The following XYLB variants were observed in gnomAD, a reference collection of about 807,000 sequenced individuals.
The protein encoded by XYLB is xylulose kinase.
In XYLB, 62 loss-of-function variants were observed where a neutral mutation model predicts 78.7. The observed-to-expected ratio is 0.79, with a 90% CI of 0.64 to 0.97. XYLB has a LOEUF of 0.97. Among genes scored for constraint, XYLB ranks in the 50% least tolerant of loss-of-function variants. The probability of loss-of-function intolerance (pLI) is 0.00; values close to 1 mark genes in which losing one functional copy is unlikely to be tolerated. For synonymous variants in XYLB, 245 were observed against 247.4 expected (o/e 0.99, Z 0.09); for missense variants, 687 against 676.8 (o/e 1.02, Z -0.17).
At chr3:38,383,334 A>G (rs939659116) in intron 15 of XYLB, among the ~76,000 whole-genome samples, 1 of 152,186 alleles carries the variant, frequency 6.6e-6, no homozygotes. Flanking sequence ...TTTTTAAGGA[A>G]CAATCGCCCT....
chr3:38,410,652 A>G (rs561803556), intron 18 of XYLB, among the ~76,000 whole-genome samples: 109 of 152,354 alleles, frequency 7.2e-4, no homozygotes, highest in Middle Eastern at 3.4e-3. Context: ...AAGGGCTAAT[A>G]TCCAGAATCT....
At chr3:38,420,919 G>A (rs988354849), downstream of XYLB, among the ~76,000 whole-genome samples, 23 of 152,148 alleles carry the variant, frequency 1.5e-4, no homozygotes, top group African/African-American at 4.3e-4. Context: ...GGCCCCGCCC[G>A]GAGCAAAAAA....
At chr3:38,387,014 C>T (rs1053847329) in intron 15 of XYLB, among the ~76,000 whole-genome samples, 1 of 152,120 alleles carries the variant, frequency 6.6e-6, no homozygotes, top group Non-Finnish European at 1.5e-5. Context: ...ATGTTATTCT[C>T]CTGAATGTAA....
chr3:38,440,690 G>T, the XYLB span, among the ~76,000 whole-genome samples: 194 of 152,314 alleles, frequency 1.3e-3, no homozygotes, highest in African/African-American at 4.5e-3. Context: ...CAACAAGGTG[G>T]TATTGGAGTG....
chr3:38,382,694 G>A (rs151618), intron 15 of XYLB, among the ~76,000 whole-genome samples: 54,461 of 152,012 alleles, frequency 0.36, 11,123 homozygotes, highest in South Asian at 0.49. Context: ...GGGTCCTCCG[G>A]CTGTCAGAAG....
intron 18 of XYLB, among the ~76,000 whole-genome samples, chr3:38,410,788 C>T (rs1708547528): frequency 5.3e-5 from 8 of 150,810 alleles, no homozygotes; most frequent in Admixed American, 1.3e-4. Flanking sequence ...AAATGCTCAC[C>T]ATCACTGGCC....
At chr3:38,427,108 A>G in the XYLB span, among the ~76,000 whole-genome samples, 215 of 152,356 alleles carry the variant, frequency 1.4e-3, no homozygotes, top group African/African-American at 4.8e-3. Flanking sequence ...CTTTCTGTCA[A>G]TAAATGTGTG....
intron 2 of XYLB, among the ~76,000 whole-genome samples, chr3:38,349,993 C>T (rs1217705695): frequency 1.3e-4 from 20 of 152,176 alleles, no homozygotes; most frequent in Admixed American, 1.3e-3. Context: ...ATCCAAGGCC[C>T]TCGGGGTTAG....
At chr3:38,366,645 G>A (rs762656149) in intron 6 of XYLB, among the ~76,000 whole-genome samples, 163 bp from the exon 7 acceptor site, 3 of 152,172 alleles carry the variant, frequency 2.0e-5, no homozygotes, top group Non-Finnish European at 4.4e-5. Flanking sequence ...CTGAGTAGCT[G>A]GGATTACAAG....
chr3:38,375,910 G>T (rs1706828743), intron 12 of XYLB, among the ~76,000 whole-genome samples: 1 of 152,180 alleles, frequency 6.6e-6, no homozygotes, highest in South Asian at 2.1e-4. Context: ...CAAGACAAGG[G>T]CGTTTCCGGC....
At chr3:38,418,190 G>A (rs1708861439), downstream of XYLB, among the ~76,000 whole-genome samples, 2 of 105,850 alleles carry the variant, frequency 1.9e-5, no homozygotes, top group Non-Finnish European at 1.9e-5. Flanking sequence ...GCAAGACTCT[G>A]TCTCAAAAAA....
chr3:38,404,370 T>G (rs1302517483), intron 18 of XYLB, among the ~76,000 whole-genome samples: 2 of 152,222 alleles, frequency 1.3e-5, no homozygotes, highest in Non-Finnish European at 2.9e-5. Context: ...CCCTAAGCCC[T>G]TCTAGGCAGC....
At chr3:38,407,716 A>G (rs1194942262) in intron 18 of XYLB, among the ~76,000 whole-genome samples, 1 of 152,124 alleles carries the variant, frequency 6.6e-6, no homozygotes, top group African/African-American at 2.4e-5. Context: ...AAAACAAAAA[A>G]AGGCAGGGGT....
intron 2 of XYLB, among the ~76,000 whole-genome samples, chr3:38,358,379 G>A (rs1705793125): frequency 7.8e-6 from 1 of 128,506 alleles, no homozygotes; most frequent in South Asian, 2.9e-4. Flanking sequence ...GCCTTGCTCT[G>A]TTGCACCCAG....
intron 10 of XYLB, 32 bp from the exon 11 acceptor site, chr3:38,374,430 C>T: frequency 1.2e-6 from 2 of 1,614,004 alleles, no homozygotes; most frequent in South Asian, 1.1e-5. Context: ...ATGTGGCCGC[C>T]AGCTAACCAG....
At chr3:38,428,857 T>C in the XYLB span, among the ~76,000 whole-genome samples, 2 of 152,344 alleles carry the variant, frequency 1.3e-5, no homozygotes, top group East Asian at 1.9e-4. Flanking sequence ...TTTGAGTTAT[T>C]TGAGTATTTT....
At chr3:38,419,578 TTATA>T (rs67869604), downstream of XYLB, among the ~76,000 whole-genome samples, 27 of 68,276 alleles carry the variant, frequency 4.0e-4, 1 homozygote, top group African/African-American at 1.1e-3. Flanking sequence ...TTATTTTTCT[TTATA>T]TATATATATA....
chr3:38,413,135 G>A lies in XYLB; in HGVS notation c.*122G>A, dbSNP rs892348263. On this transcript the variant is annotated 3_prime_UTR_variant, in exon 19 of 19. Transcript: ENST00000207870. Reference sequence around the variant, plus strand: ...CTCTTCCTGCCCCTACTGACTCCTTGGAGTGTCCAGGACCATCTTAAAGCC... The same window carrying A: ...CTCTTCCTGCCCCTACTGACTCCTTAGAGTGTCCAGGACCATCTTAAAGCC... 5.2e-6 allele frequency: 5 copies of A among 962,364 alleles called. No homozygotes were observed. Among genetic ancestry groups the A allele is most frequent in the Non-Finnish European group, 7.4e-6 (5 of 675,434 alleles). 59.6% of individuals were successfully genotyped at this position (962,364 alleles called of 1,614,324 possible). A position where few individuals can be genotyped will look rare whatever the true frequency, so the allele number is the denominator to read the frequency against.
downstream of XYLB, among the ~76,000 whole-genome samples, chr3:38,421,598 G>T (rs1708980616): frequency 6.6e-6 from 1 of 152,048 alleles, no homozygotes; most frequent in African/African-American, 2.4e-5. Flanking sequence ...ACTGAAAAAG[G>T]CATATAAGGA....
Sources: gnomAD v4.1 joint callset for allele counts (sites outside exome capture counted in the v4.1 genomes callset) on GRCh38, gnomAD v4.1.1 for gene constraint, MANE v1.5 for transcripts, NCBI Gene and HGNC (gene_info 2026-07-23, HGNC 2026-07-21) for gene names.